RAB31: variants seen among roughly 807,000 people sequenced by gnomAD.
The protein encoded by RAB31 is RAB31, member RAS oncogene family.
RAB31 carries 21 observed loss-of-function variants against 25.6 expected under a neutral mutation model. The observed-to-expected ratio is 0.82, with a 90% confidence interval of 0.58 to 1.18. RAB31 has a LOEUF of 1.18. Among genes scored for constraint, RAB31 ranks in the 50% most tolerant of loss-of-function variants. The pLI, the probability that RAB31 is intolerant of heterozygous loss-of-function variation, is 0.00. For synonymous variants in RAB31, 87 were observed against 84.0 expected (o/e 1.04, Z -0.20); for missense variants, 196 against 250.1 (o/e 0.78, Z 1.46).
chr18:9,762,857 T>C (rs1201494076), intron 1 of RAB31, among the ~76,000 whole-genome samples: 1 of 152,096 alleles, frequency 6.6e-6, no homozygotes, highest in Non-Finnish European at 1.5e-5. Context: ...GGTTTTTTGC[T>C]CCTGATAACG....
intron 6 of RAB31, among the ~76,000 whole-genome samples, chr18:9,849,290 C>A (rs74341455): frequency 0.019 from 2,826 of 152,222 alleles, 90 homozygotes; most frequent in African/African-American, 0.065. Context: ...ATTGCAAGTT[C>A]TTTGGGAGCT....
At position 9,730,288 on chromosome 18, in the gene RAB31, C is replaced by CTTTT. The variant is rs34004989; in HGVS notation, c.39+21857_39+21860dup. Among the ~76,000 whole-genome samples the CTTTT allele has an allele frequency of 3.5e-5, 5 of 140,948 alleles. No individual in the cohort carries two copies. The East Asian group carries it at 8.2e-4, about 23-fold the overall frequency. The allele number at this position is 140,948 out of a possible 152,430, so 92.5% of individuals were successfully genotyped here. ...CAAAGTCCTTCGAGCCTCACCTTAT[C>CTTTT]TTTTTTTTTTTTTTTTGACACAGAG... is the stretch of plus-strand genomic sequence containing the variant. On this transcript the variant is annotated intron_variant, in intron 1 of 6. Transcript: ENST00000578921.
At chr18:9,795,600 A>G (rs1483324263) in intron 3 of RAB31, among the ~76,000 whole-genome samples, 1 of 152,214 alleles carries the variant, frequency 6.6e-6, no homozygotes, top group African/African-American at 2.4e-5. Flanking sequence ...TTCTCAGAAG[A>G]ATTTATACAA....
intron 1 of RAB31, among the ~76,000 whole-genome samples, chr18:9,753,470 A>G (rs879691350): frequency 2.6e-5 from 4 of 152,232 alleles, no homozygotes; most frequent in Non-Finnish European, 5.9e-5. Context: ...GGCCCTCACC[A>G]GATGCAGCTC....
rs553761793 is a variant in RAB31 at position 9,811,489 on chromosome 18, G to A, written c.202-2531G>A. On this transcript the variant is annotated intron_variant, in intron 3 of 6. Coordinates refer to ENST00000578921, the MANE Select transcript of RAB31 (RefSeq NM_006868.4). ...GAAAATAATAAGTTAGGGTTTTGTC[G>A]CTTGCCAGAAAAGCTTCAGGATCCA... 7.2e-5 allele frequency among the ~76,000 whole-genome samples: 11 copies of A among 152,264 alleles called. No individual in the cohort carries two copies. The South Asian group carries it at 1.9e-3, about 26-fold the overall frequency.
rs1211944865 is a variant in RAB31, at chr18:9,861,898, C to G, written c.*2573C>G. The G allele has an allele frequency of 6.6e-6, 1 of 152,640 alleles. No individual in the cohort carries two copies. The highest frequency in any genetic ancestry group is 2.1e-4 in the South Asian group (1 of 4,838). 9.5% of individuals were successfully genotyped at this position (152,640 alleles called of 1,614,324 possible). A position where few individuals can be genotyped will look rare whatever the true frequency, so the allele number is the denominator to read the frequency against. ...GTAGGCATGGCTTCCCAATGGAAAT[C>G]TCTGAGAATGACAGTGGAGTTGTGC... is the stretch of plus-strand genomic sequence containing the variant. On this transcript the variant is annotated 3_prime_UTR_variant, in exon 7 of 7. Coordinates refer to ENST00000578921, the MANE Select transcript of RAB31 (RefSeq NM_006868.4).
At chr18:9,712,614 C>T (rs937993003) in intron 1 of RAB31, among the ~76,000 whole-genome samples, 2 of 152,202 alleles carry the variant, frequency 1.3e-5, no homozygotes, top group African/African-American at 4.8e-5. Flanking sequence ...TCCCAGTATG[C>T]ATTTTTAACA....
At chr18:9,736,475 C>A (rs2068151765) in intron 1 of RAB31, among the ~76,000 whole-genome samples, 2 of 151,926 alleles carry the variant, frequency 1.3e-5, no homozygotes, top group Admixed American at 6.6e-5. Context: ...TGTGGGGAAG[C>A]CCCTGCCCTC....
intron 6 of RAB31, chr18:9,856,161 G>A (rs2068814775): frequency 6.6e-6 from 1 of 152,162 alleles, no homozygotes; most frequent in Admixed American, 6.5e-5. Flanking sequence ...AAAGAACCTG[G>A]CACTCCTAAG....
At chr18:9,839,325 T>A (rs530711120) in intron 5 of RAB31, among the ~76,000 whole-genome samples, 1 of 151,988 alleles carries the variant, frequency 6.6e-6, no homozygotes, top group African/African-American at 2.4e-5. Flanking sequence ...AGGGGAAGAG[T>A]AAGGCATGAA....
chr18:9,825,393 T>C (rs965194418), intron 5 of RAB31, among the ~76,000 whole-genome samples: 1 of 152,056 alleles, frequency 6.6e-6, no homozygotes, highest in Admixed American at 6.5e-5. Context: ...TTTTCCTGGG[T>C]CTGGTGGGAA....
chr18:9,741,010 A>G (rs1422292396), intron 1 of RAB31, among the ~76,000 whole-genome samples: 2 of 152,062 alleles, frequency 1.3e-5, no homozygotes, highest in African/African-American at 4.8e-5. Flanking sequence ...TGGACTTGGG[A>G]AAACCCCTGG....
At chr18:9,799,608 C>T (rs945459742) in intron 3 of RAB31, among the ~76,000 whole-genome samples, 2 of 152,034 alleles carry the variant, frequency 1.3e-5, no homozygotes, top group Non-Finnish European at 2.9e-5. Flanking sequence ...GCGATTCTCC[C>T]GCCTCAGCCT....
chr18:9,717,657 G>A (rs2068051459), intron 1 of RAB31, among the ~76,000 whole-genome samples: 1 of 152,182 alleles, frequency 6.6e-6, no homozygotes, highest in Admixed American at 6.5e-5. Flanking sequence ...GAGGGAGAAA[G>A]TGGAGAGAAG....
At chr18:9,717,007 C>T (rs2068048259) in intron 1 of RAB31, among the ~76,000 whole-genome samples, 1 of 151,594 alleles carries the variant, frequency 6.6e-6, no homozygotes, top group Non-Finnish European at 1.5e-5. Context: ...GCGATCCTCC[C>T]ACTTCAGCCT....
intron 5 of RAB31, among the ~76,000 whole-genome samples, chr18:9,819,995 A>G (rs185333616): frequency 1.3e-5 from 2 of 152,148 alleles, no homozygotes; most frequent in East Asian, 3.9e-4. Context: ...AGATTATATT[A>G]TCTGGGAATA....
At chr18:9,758,389 T>C (rs1203145321) in intron 1 of RAB31, among the ~76,000 whole-genome samples, 2 of 152,002 alleles carry the variant, frequency 1.3e-5, no homozygotes, top group African/African-American at 4.8e-5. Context: ...CCCAAATGTC[T>C]GACCACGCTG....
At chr18:9,848,094 G>A (rs2068770574) in intron 6 of RAB31, among the ~76,000 whole-genome samples, 1 of 152,138 alleles carries the variant, frequency 6.6e-6, no homozygotes. Context: ...ACAATTGTTT[G>A]TTTCTGTTTT....
At chr18:9,805,306 A>G (rs966054718) in intron 3 of RAB31, among the ~76,000 whole-genome samples, 5 of 148,768 alleles carry the variant, frequency 3.4e-5, no homozygotes, top group Non-Finnish European at 7.5e-5. Flanking sequence ...AGAAATAAGT[A>G]TCACTGGAAT....
Sources: allele counts gnomAD v4.1 joint callset (sites outside exome capture counted in the v4.1 genomes callset), GRCh38; gene constraint gnomAD v4.1.1; transcripts MANE v1.5; gene names NCBI Gene and HGNC (gene_info 2026-07-23, HGNC 2026-07-21).